Variants in SLC25A21 observed in about 807,000 individuals in gnomAD.
SLC25A21 encodes the protein mitochondrial 2-oxodicarboxylate carrier.
A neutral mutation model predicts 43.8 loss-of-function variants in SLC25A21; 47 were observed. That is an observed-to-expected ratio of 1.07 (90% CI 0.85 to 1.37). SLC25A21 has a LOEUF of 1.37. SLC25A21 is among the 40% of genes most tolerant of loss of function. The pLI, the probability that SLC25A21 is intolerant of heterozygous loss-of-function variation, is 0.00. For missense variants in SLC25A21, 352 were observed against 350.2 expected (o/e 1.00, Z -0.04); for synonymous variants, 131 against 121.3 (o/e 1.08, Z -0.52).
intron 3 of SLC25A21, among the ~76,000 whole-genome samples, chr14:36,767,706 C>T (rs17105254): frequency 0.013 from 2,039 of 152,330 alleles, 46 homozygotes; most frequent in African/African-American, 0.046. Context: ...TATGCTAATA[C>T]ATATGCCACA....
At chr14:37,108,501 T>C (rs2138873984) in intron 1 of SLC25A21, among the ~76,000 whole-genome samples, 1 of 152,198 alleles carries the variant, frequency 6.6e-6, no homozygotes, top group Non-Finnish European at 1.5e-5. Flanking sequence ...GCAAGAAAAA[T>C]GAACAGAATG....
chr14:36,761,671 T>C (rs1349693491), intron 3 of SLC25A21, among the ~76,000 whole-genome samples: 1 of 152,200 alleles, frequency 6.6e-6, no homozygotes, highest in Non-Finnish European at 1.5e-5. Flanking sequence ...ATATAAGTAA[T>C]TTAAGAATTA....
chr14:37,024,289 C>T (rs1343635728), intron 1 of SLC25A21, among the ~76,000 whole-genome samples: 1 of 152,052 alleles, frequency 6.6e-6, no homozygotes, highest in African/African-American at 2.4e-5. Context: ...ACCTCTTACA[C>T]ACAGGACAAA....
At chr14:36,783,292 G>A (rs1206418250) in intron 3 of SLC25A21, among the ~76,000 whole-genome samples, 1 of 152,056 alleles carries the variant, frequency 6.6e-6, no homozygotes. Context: ...AGCATTAGGG[G>A]CACCAGTGGG....
chr14:36,818,661 T>C (rs890692172), intron 2 of SLC25A21, among the ~76,000 whole-genome samples: 2 of 152,232 alleles, frequency 1.3e-5, no homozygotes, highest in African/African-American at 2.4e-5. Flanking sequence ...TTTGTTCCAT[T>C]ACACATGACT....
At chr14:36,927,817 T>C (rs1892171907) in intron 1 of SLC25A21, among the ~76,000 whole-genome samples, 2 of 152,150 alleles carry the variant, frequency 1.3e-5, no homozygotes, top group African/African-American at 4.8e-5. Context: ...ATAAGAATAA[T>C]GAAATATCTG....
chr14:36,957,431 T>G (rs1008971845), intron 1 of SLC25A21, among the ~76,000 whole-genome samples: 1 of 152,178 alleles, frequency 6.6e-6, no homozygotes, highest in Non-Finnish European at 1.5e-5. Flanking sequence ...TGACTTTGGA[T>G]AAGGAAATTC....
At chr14:36,910,929 A>C (rs1891670334) in intron 1 of SLC25A21, among the ~76,000 whole-genome samples, 1 of 152,192 alleles carries the variant, frequency 6.6e-6, no homozygotes, top group Non-Finnish European at 1.5e-5. Flanking sequence ...CTTATCCTTC[A>C]GTGTGCTTTC....
intron 1 of SLC25A21, among the ~76,000 whole-genome samples, chr14:36,960,256 C>G (rs1246555988): frequency 2.0e-5 from 3 of 152,056 alleles, no homozygotes; most frequent in Admixed American, 6.5e-5. Context: ...TTAGCTTGAC[C>G]ACTAAAACAC....
chr14:36,748,125 A>G (rs761814305), intron 3 of SLC25A21, among the ~76,000 whole-genome samples: 3 of 152,364 alleles, frequency 2.0e-5, no homozygotes, highest in South Asian at 2.1e-4. Flanking sequence ...ACAAAGGTCT[A>G]TTTGACTCCA....
Position 36,764,147 on chromosome 14 carries a change from A to AGAAG in SLC25A21, c.204-29575_204-29574insCTTC, listed in dbSNP as rs1566588059. Among the ~76,000 whole-genome samples, 409 of 57,268 alleles carry AGAAG rather than the reference A, an allele frequency of 7.1e-3. 9 individuals carry two copies. The highest frequency in any genetic ancestry group is 0.031 in the East Asian group (19 of 622). 37.6% of individuals were successfully genotyped at this position (57,268 alleles called of 152,430 possible). A position where few individuals can be genotyped will look rare whatever the true frequency, so the allele number is the denominator to read the frequency against. On this transcript the variant is annotated intron_variant, in intron 3 of 9. Coordinates refer to ENST00000331299, the MANE Select transcript of SLC25A21 (RefSeq NM_030631.4). ...AAGAAGGAAAGAAGGAAAGAAGGAA[A>AGAAG]GAAAGAAAGAAAGAAAGAAAGAAAG...
chr14:36,703,980 C>T (rs1055299842), intron 7 of SLC25A21, among the ~76,000 whole-genome samples: 5 of 152,182 alleles, frequency 3.3e-5, no homozygotes, highest in African/African-American at 1.2e-4. Context: ...TCCTGACACT[C>T]CATTCCATTT....
chr14:37,068,832 T>G (rs569569453), intron 1 of SLC25A21, among the ~76,000 whole-genome samples: 1 of 152,314 alleles, frequency 6.6e-6, no homozygotes, highest in African/African-American at 2.4e-5. Flanking sequence ...CTTTCAATTC[T>G]TGAGACTCCC....
At chr14:37,115,770 C>A (rs1963095485) in intron 1 of SLC25A21, among the ~76,000 whole-genome samples, 1 of 152,182 alleles carries the variant, frequency 6.6e-6, no homozygotes, top group African/African-American at 2.4e-5. Context: ...AAAACATCAA[C>A]TTCAATGAAT....
chr14:37,056,020 C>T (rs1961817761), intron 1 of SLC25A21, among the ~76,000 whole-genome samples: 1 of 152,036 alleles, frequency 6.6e-6, no homozygotes, highest in Admixed American at 6.5e-5. Flanking sequence ...ATAGAGTTCT[C>T]ACGAGATCTT....
intron 1 of SLC25A21, among the ~76,000 whole-genome samples, chr14:37,008,468 C>T (rs1960657641): frequency 1.3e-5 from 2 of 152,144 alleles, no homozygotes; most frequent in African/African-American, 4.8e-5. Context: ...ATGTGAAATC[C>T]AAAGCTCACA....
intron 1 of SLC25A21, among the ~76,000 whole-genome samples, chr14:36,951,271 T>C (rs529550504): frequency 6.6e-6 from 1 of 151,948 alleles, no homozygotes; most frequent in African/African-American, 2.4e-5. Context: ...AATAGCCTAC[T>C]TTAAAGCAAT....
intron 1 of SLC25A21, among the ~76,000 whole-genome samples, chr14:37,163,280 T>C (rs1666146258): frequency 6.9e-6 from 1 of 144,722 alleles, no homozygotes; most frequent in Non-Finnish European, 1.5e-5. Flanking sequence ...ACCCTAAAAC[T>C]TAAAGTATAA....
At chr14:37,079,895 A>G (rs547758071) in intron 1 of SLC25A21, among the ~76,000 whole-genome samples, 2 of 152,274 alleles carry the variant, frequency 1.3e-5, no homozygotes, top group Admixed American at 6.5e-5. Flanking sequence ...GGCTTGTGGT[A>G]GGGGATTAGC....
Sources: allele counts gnomAD v4.1 joint callset (sites outside exome capture counted in the v4.1 genomes callset), GRCh38; gene constraint gnomAD v4.1.1; transcripts MANE v1.5; gene names NCBI Gene and HGNC (gene_info 2026-07-23, HGNC 2026-07-21).